ZBTB40: variants seen among roughly 807,000 people sequenced by gnomAD.
The protein encoded by ZBTB40 is zinc finger and BTB domain-containing protein 40.
A neutral mutation model predicts 117.5 loss-of-function variants in ZBTB40; 60 were observed. That is an observed-to-expected ratio of 0.51 (90% CI 0.41 to 0.63). ZBTB40 has a LOEUF of 0.63. ZBTB40 is among the 30% of genes least tolerant of loss of function. The pLI is 0.00. For missense variants in ZBTB40, 1,287 were observed against 1,498.5 expected, an observed-to-expected ratio of 0.86 and a Z score of 2.33; for synonymous variants, 525 against 577.1, an observed-to-expected ratio of 0.91 and a Z score of 1.29.
In ZBTB40 at chr1:22,446,240, GA is replaced by G. The variant is rs1292634113; in HGVS notation, c.-70+17233del. 9.9e-4 allele frequency among the ~76,000 whole-genome samples: 7 copies of G among 7,046 alleles called. No individual in the cohort carries two copies. In the Admixed American group the frequency reaches 0.014, roughly 14 times the overall value. 4.6% of individuals were successfully genotyped at this position (7,046 alleles called of 152,430 possible). ...CCAAAACTGAAAAAAAAAAAAATGA[GA>G]AAAAAAGACAGAAAAACAAAACAGA... is the stretch of plus-strand genomic sequence containing the variant. On this transcript the variant is annotated intron_variant, in intron 1 of 8. Coordinates refer to the ZBTB40 transcript ENST00000650433.
rs1638602598 is a variant in ZBTB40 at position 22,490,610 on chromosome 1, C to T, written c.662C>T (p.Thr221Ile). 7.4e-6 allele frequency: 12 copies of T among 1,613,826 alleles called. No individual in the cohort carries two copies. Among genetic ancestry groups the T allele is most frequent in the South Asian group, 2.2e-5 (2 of 91,086 alleles). ...TGTTCCCCCTCCCCTGCTGTGCAAA[C>T]CTTTAGTGAGGCAAAGAAGACAAGC... ...EACSPSPAVQ[T>I]FSEAKKTSTE... Residue 221 changes from threonine (T) to isoleucine (I), a missense_variant, in exon 2 of 18, where the codon ACC becomes ATC. Thr to Ile is a moderately conservative substitution (Grantham distance 89). Coordinates refer to ENST00000375647, the MANE Select transcript of ZBTB40 (RefSeq NM_014870.4).
upstream of ZBTB40, among the ~76,000 whole-genome samples, chr1:22,450,188 G>A (rs1015008916): frequency 1.1e-4 from 16 of 152,210 alleles, no homozygotes; most frequent in South Asian, 6.2e-4. Context: ...CAGGTGATCC[G>A]CCTGCCTCGG....
intron 1 of ZBTB40, among the ~76,000 whole-genome samples, chr1:22,431,292 G>GTATATATTC (rs1640580763): frequency 3.4e-5 from 4 of 117,302 alleles, no homozygotes; most frequent in South Asian, 2.7e-4. Flanking sequence ...TGTATATATT[G>GTATATATTC]AATATATTGA....
At chr1:22,494,776 TAAGA>T (rs1372706399) in intron 3 of ZBTB40, among the ~76,000 whole-genome samples, 2 of 152,200 alleles carry the variant, frequency 1.3e-5, no homozygotes, top group African/African-American at 2.4e-5. Flanking sequence ...GAAACTTCAA[TAAGA>T]CTTGATCCCT....
chr1:22,490,078 G>C lies in ZBTB40; in HGVS notation c.130G>C (p.Ala44Pro). The C allele has an allele frequency of 6.2e-7, 1 of 1,614,192 alleles. No individual in the cohort carries two copies. The highest frequency in any genetic ancestry group is 8.5e-7 in the Non-Finnish European group (1 of 1,180,034). Residue 44 changes from alanine to proline, a missense_variant, in exon 2 of 18, where the codon GCT (alanine) becomes CCT (proline). Around this residue, in one of 2 missense-constraint regions of ZBTB40, gnomAD observed 870 missense variants for 934.4 expected, o/e 0.93. Transcript: ENST00000375647. Reference protein sequence around the residue: ...YFRAHKLVLAAASLLFKTLLD... With the variant: ...YFRAHKLVLAPASLLFKTLLD... The stretch of plus-strand genomic sequence containing the variant: ...CAGGGCTCACAAGCTTGTCCTGGCT[G>C]CTGCCAGCCTCCTGTTCAAAACCCT...
chr1:22,431,714 C>T (rs1374100233), intron 1 of ZBTB40, among the ~76,000 whole-genome samples: 3 of 148,354 alleles, frequency 2.0e-5, no homozygotes, highest in Non-Finnish European at 4.5e-5. Context: ...CCAGCCTGGG[C>T]GACAAGAGTG....
At chr1:22,499,935 G>A (rs1174944940) in intron 3 of ZBTB40, among the ~76,000 whole-genome samples, 3 of 152,160 alleles carry the variant, frequency 2.0e-5, no homozygotes, top group African/African-American at 7.2e-5. Flanking sequence ...AGTGTGGTGG[G>A]GAGACGTGTG....
Position 22,526,275 on chromosome 1 carries a change from C to G in ZBTB40, c.3599C>G (p.Ser1200Trp). ...ITLEETQLAG[S>W]QVFVTLPDSQ... ...TTGGAGGAGACCCAGCTTGCCGGGT[C>G]GCAGGTGTTTGTGACGTTGCCAGAT... Residue 1200 changes from serine (S) to tryptophan (W), a missense_variant, in exon 18 of 18, where the codon TCG becomes TGG. Physicochemically the swap from Ser to Trp is radical, Grantham distance 177. Around this residue, in one of 2 missense-constraint regions of ZBTB40, gnomAD observed 417 missense variants for 564.1 expected, o/e 0.74. Coordinates refer to ENST00000375647, the MANE Select transcript of ZBTB40 (RefSeq NM_014870.4). 1 of 1,614,160 alleles carries G rather than the reference C, an allele frequency of 6.2e-7. No individual in the cohort carries two copies. The highest frequency in any genetic ancestry group is 1.1e-5 in the South Asian group (1 of 91,076).
intron 14 of ZBTB40, among the ~76,000 whole-genome samples, chr1:22,521,063 CCAGCTCCCTGGGAAGCCGTGAGATG>C (rs1286236287): frequency 5.3e-5 from 8 of 152,248 alleles, no homozygotes; most frequent in Non-Finnish European, 1.0e-4. Flanking sequence ...CGGCTGTGCC[CCAGCTCCCTGGGAAGCCGTGAGATG>C]CAGCTCACTG....
At chr1:22,469,987 G>T (rs1641362262) in intron 1 of ZBTB40, among the ~76,000 whole-genome samples, 1 of 152,202 alleles carries the variant, frequency 6.6e-6, no homozygotes, top group Non-Finnish European at 1.5e-5. Context: ...AGAAAAAAAT[G>T]ATAAACAGGC....
chr1:22,482,168 C>T lies in ZBTB40; in HGVS notation c.-69-7712C>T, dbSNP rs1638338792. Among the ~76,000 whole-genome samples the T allele has an allele frequency of 2.0e-5, 3 of 152,050 alleles. No individual in the cohort carries two copies. The South Asian group carries it at 6.2e-4, about 32-fold the overall frequency. On this transcript the variant is annotated intron_variant, in intron 1 of 17. Transcript: ENST00000375647. Reference sequence around the variant, plus strand: ...ACTGTATTCAAAAAGTAGGGGTAGACATTCTTAAAGATTTTCTTTGAGCAA... The same window carrying T: ...ACTGTATTCAAAAAGTAGGGGTAGATATTCTTAAAGATTTTCTTTGAGCAA...
chr1:22,517,645 T>C, intron 13 of ZBTB40, 181 bp downstream of exon 13: 1 of 724,898 alleles, frequency 1.4e-6, no homozygotes, highest in Non-Finnish European at 2.2e-6. Flanking sequence ...CATTTTAAGG[T>C]ATCTCATATA....
chr1:22,524,342 G>C lies in ZBTB40; in HGVS notation c.3423G>C (p.Gly1141=), dbSNP rs1639618193. The part of the protein sequence containing the change: ...SETTFPCELC[G]ELFTSQAQLD... ...CCACCTTCCCCTGTGAGCTCTGTGG[G>C]GAACTCTTCACCTCCCAGGCCCAGC... Residue 1141 remains glycine (G), a synonymous_variant, in exon 17 of 18, where the codon GGG becomes GGC. Transcript: ENST00000375647. 6.2e-7 allele frequency: 1 copy of C among 1,614,142 alleles called. No homozygotes were observed. The highest frequency in any genetic ancestry group is 8.5e-7 in the Non-Finnish European group (1 of 1,180,046).
Position 22,501,481 on chromosome 1 carries a change from T to C in ZBTB40, c.832-11T>C, listed in dbSNP as rs1181048766. ...CGCTAATCTATCTTTCTGGGTACTT[T>C]TGTTCCATAGATGATAGTGAAATGT... On this transcript the variant is annotated splice_polypyrimidine_tract_variant and intron_variant, in intron 3 of 17. Transcript: ENST00000375647. The C allele has an allele frequency of 6.2e-7, 1 of 1,614,026 alleles. No homozygotes were observed. Among genetic ancestry groups the C allele is most frequent in the Non-Finnish European group, 8.5e-7 (1 of 1,179,936 alleles).
intron 1 of ZBTB40, among the ~76,000 whole-genome samples, chr1:22,478,932 C>G (rs539798986): frequency 6.6e-6 from 1 of 152,098 alleles, no homozygotes; most frequent in African/African-American, 2.4e-5. Context: ...CTTGGTGTCT[C>G]TTTACATGTA....
chr1:22,516,068 G>A (rs1639366062), intron 12 of ZBTB40, among the ~76,000 whole-genome samples: 1 of 152,116 alleles, frequency 6.6e-6, no homozygotes, highest in Non-Finnish European at 1.5e-5. Context: ...GATTAGATGT[G>A]GGATGTGAAG....
At chr1:22,517,230 A>G in intron 12 of ZBTB40, 70 bp from the exon 13 acceptor site, 5 of 1,597,058 alleles carry the variant, frequency 3.1e-6, no homozygotes, top group African/African-American at 1.3e-5. Context: ...GTGCTGTAGA[A>G]TTAGATTTTG....
chr1:22,517,850 A>C (rs1569882215), intron 13 of ZBTB40, among the ~76,000 whole-genome samples: 1 of 152,280 alleles, frequency 6.6e-6, no homozygotes, highest in East Asian at 1.9e-4. Flanking sequence ...ACACTTTCTG[A>C]GTTAATGTCT....
chr1:22,460,631 G>A (rs1035935557), intron 1 of ZBTB40, among the ~76,000 whole-genome samples: 1 of 152,102 alleles, frequency 6.6e-6, no homozygotes, highest in African/African-American at 2.4e-5. Flanking sequence ...CCATATACTT[G>A]TTAACTTCAT....
Sources: gnomAD v4.1 joint callset for allele counts (sites outside exome capture counted in the v4.1 genomes callset) on GRCh38, gnomAD v4.1.1 for gene constraint, gnomAD v4.1.1 regional missense constraint, MANE v1.5 for transcripts, NCBI Gene and HGNC (gene_info 2026-07-23, HGNC 2026-07-21) for gene names.